Variants in BDNF observed in about 807,000 individuals in gnomAD.
BDNF encodes neurotrophic factor BDNF precursor form.
BDNF carries 1 observed loss-of-function variant against 19.5 expected under a neutral mutation model. That is an observed-to-expected ratio of 0.05 (90% CI 0.02 to 0.24). The LOEUF is 0.24. Ranked by LOEUF, BDNF falls within the 10% of genes least tolerant of loss-of-function variation. BDNF has a pLI of 1.00. For synonymous variants in BDNF, 100 were observed against 121.6 expected (o/e 0.82, Z 1.17); for missense variants, 195 against 317.6 (o/e 0.61, Z 2.93).
At chr11:27,682,686 G>A (rs1285217337) in intron 1 of BDNF, among the ~76,000 whole-genome samples, 2 of 152,004 alleles carry the variant, frequency 1.3e-5, no homozygotes, top group Non-Finnish European at 2.9e-5. Flanking sequence ...GTGTTACCTT[G>A]CCAAGAATGA....
chr11:27,674,422 G>C, intron 1 of BDNF: 1 of 1,450,094 alleles, frequency 6.9e-7, no homozygotes, highest in Non-Finnish European at 9.0e-7. Flanking sequence ...CCTAGCCACT[G>C]CTCTACCCCA....
rs56730757 is a variant in BDNF at position 27,717,860 on chromosome 11, AGTGTGTGTGTGTGT to A, written c.3+3538_3+3551del. 6.1e-5 allele frequency among the ~76,000 whole-genome samples: 9 copies of A among 147,568 alleles called. No individual in the cohort carries two copies. In the East Asian group the frequency reaches 1.2e-3, roughly 20 times the overall value. ...TGAAACCATGTCATCTTACAAGTTG[AGTGTGTGTGTGTGT>A]GTGTGTGTGTGTGTGTGTAGAGGAT... is the stretch of plus-strand genomic sequence containing the variant. On this transcript the variant is annotated intron_variant, in intron 1 of 1. Transcript: ENST00000314915.
At chr11:27,718,359 C>CCG (rs1020676601) in intron 1 of BDNF, among the ~76,000 whole-genome samples, 5 of 144,608 alleles carry the variant, frequency 3.5e-5, no homozygotes, top group South Asian at 5.6e-4. Flanking sequence ...ACACCACCCC[C>CCG]CCCCGCCCCT....
At chr11:27,697,638 T>G (rs774316726) in intron 1 of BDNF, 1 of 152,328 alleles carries the variant, frequency 6.6e-6, no homozygotes, top group South Asian at 2.1e-4. Context: ...CTTGGTTCCA[T>G]TGGTTTGCAA....
intron 1 of BDNF, among the ~76,000 whole-genome samples, chr11:27,711,313 A>T (rs1030193259): frequency 6.6e-6 from 1 of 152,248 alleles, no homozygotes; most frequent in African/African-American, 2.4e-5. Context: ...AATGTATATG[A>T]TCCTAACAAA....
At chr11:27,667,375 C>T (rs2133859434) in intron 1 of BDNF, among the ~76,000 whole-genome samples, 1 of 152,248 alleles carries the variant, frequency 6.6e-6, no homozygotes, top group East Asian at 1.9e-4. Context: ...AGCAAAATAA[C>T]CAGCTAACAT....
intron 1 of BDNF, among the ~76,000 whole-genome samples, chr11:27,706,073 G>A (rs1420444990): frequency 6.6e-6 from 1 of 152,142 alleles, no homozygotes; most frequent in Non-Finnish European, 1.5e-5. Context: ...GGGTGGTAGT[G>A]ATGGACAAGA....
At chr11:27,703,153 A>G (rs1332501868), upstream of BDNF, among the ~76,000 whole-genome samples, 1 of 152,134 alleles carries the variant, frequency 6.6e-6, no homozygotes, top group Non-Finnish European at 1.5e-5. Context: ...GCTAACCAGA[A>G]AGCAATAAAG....
At chr11:27,697,329 A>G (rs541679514) in intron 1 of BDNF, 4 of 152,364 alleles carry the variant, frequency 2.6e-5, no homozygotes, top group African/African-American at 9.6e-5. Flanking sequence ...AATGATATCA[A>G]TCATCTACAT....
At chr11:27,719,731 A>T in intron 1 of BDNF, 8 of 49,266 alleles carry the variant, frequency 1.6e-4, no homozygotes, top group Non-Finnish European at 1.8e-4. Flanking sequence ...AGGCTGGAGG[A>T]GGGGGCGGGG....
chr11:27,665,408 C>T (rs1420652733), intron 1 of BDNF: 2 of 152,508 alleles, frequency 1.3e-5, no homozygotes, highest in African/African-American at 2.4e-5. Flanking sequence ...GGGTTCATCT[C>T]ACTGGGGCTT....
chr11:27,682,413 TAATA>T (rs1564969610), intron 1 of BDNF, among the ~76,000 whole-genome samples: 12 of 150,986 alleles, frequency 7.9e-5, no homozygotes, highest in African/African-American at 2.2e-4. Flanking sequence ...ATTATTATAA[TAATA>T]ATAATAATAC....
At chr11:27,708,863 CTG>C (rs1358604058) in intron 1 of BDNF, among the ~76,000 whole-genome samples, 1 of 121,928 alleles carries the variant, frequency 8.2e-6, no homozygotes, top group African/African-American at 3.2e-5. Context: ...GAGTCTCACT[CTG>C]TCACCCAGAC....
chr11:27,706,109 A>G (rs748819858), intron 1 of BDNF, among the ~76,000 whole-genome samples: 17 of 152,162 alleles, frequency 1.1e-4, no homozygotes, highest in Non-Finnish European at 2.4e-4. Flanking sequence ...CTGGAGTGGC[A>G]CTTAGAGGCG....
At chr11:27,689,988 T>A (rs1356147417) in intron 1 of BDNF, among the ~76,000 whole-genome samples, 1 of 152,160 alleles carries the variant, frequency 6.6e-6, no homozygotes. Context: ...AGGTTTTCTG[T>A]TCCTGGCTAC....
chr11:27,703,019 C>T (rs1386592816), upstream of BDNF, among the ~76,000 whole-genome samples: 2 of 152,178 alleles, frequency 1.3e-5, no homozygotes, highest in Non-Finnish European at 2.9e-5. Flanking sequence ...GCATATTCTT[C>T]GAGTGTCACA....
intron 1 of BDNF, among the ~76,000 whole-genome samples, chr11:27,682,932 G>C (rs1383920155): frequency 2.0e-5 from 3 of 152,160 alleles, no homozygotes; most frequent in Non-Finnish European, 4.4e-5. Context: ...CCAGTAATGG[G>C]ATGGCTGGGT....
chr11:27,701,412 G>C (rs1215904138), upstream of BDNF: 2 of 1,037,242 alleles, frequency 1.9e-6, no homozygotes, highest in Non-Finnish European at 1.2e-6. Context: ...TAATTAAAGG[G>C]GGGAGGGGGC....
intron 1 of BDNF, chr11:27,659,176 C>T: frequency 1.0e-6 from 1 of 1,001,396 alleles, no homozygotes; most frequent in East Asian, 1.1e-4. Context: ...CACAGAGATA[C>T]TCTATTATAG....
Sources: allele counts gnomAD v4.1 joint callset (sites outside exome capture counted in the v4.1 genomes callset), GRCh38; gene constraint gnomAD v4.1.1; transcripts MANE v1.5; gene names NCBI Gene and HGNC (gene_info 2026-07-23, HGNC 2026-07-21).